CAMTA1: variants seen among roughly 807,000 people sequenced by gnomAD.
The protein encoded by CAMTA1 is calmodulin-binding transcription activator 1.
A neutral mutation model predicts 170.9 loss-of-function variants in CAMTA1; 27 were observed. The ratio of observed to expected loss-of-function variants is 0.16; its 90% CI spans 0.12 to 0.22. The LOEUF (loss-of-function observed/expected upper bound fraction) is 0.22, where lower values mean the gene tolerates loss of function less well. Among genes scored for constraint, CAMTA1 ranks in the 10% least tolerant of loss-of-function variants. The probability of loss-of-function intolerance (pLI) is 1.00; values close to 1 mark genes in which losing one functional copy is unlikely to be tolerated. For missense variants in CAMTA1, 1,619 were observed against 2,217.2 expected (o/e 0.73, Z 5.42); for synonymous variants, 833 against 891.5 (o/e 0.93, Z 1.17).
At chr1:7,246,670 CTTTT>C (rs34382670) in intron 4 of CAMTA1, among the ~76,000 whole-genome samples, 1 of 73,930 alleles carries the variant, frequency 1.4e-5, no homozygotes, top group Admixed American at 1.8e-4. Flanking sequence ...CTCTGACCTG[CTTTT>C]TTTTTTTTTT....
Position 7,640,460 on chromosome 1 carries a change from C to A in CAMTA1, c.571C>A (p.Pro191Thr). The change falls in exon 7 of 23, where the codon CCT becomes ACT. Residue 191 changes from proline (P) to threonine (T), a missense_variant. Transcript: ENST00000303635. ...NVPAIEDCGK[P>T]CGPILCSINT... ...GCCGGCCATCGAGGACTGCGGCAAG[C>A]CTTGCGGCCCCATCCTCTGCTCCAT... The A allele has an allele frequency of 6.2e-7, 1 of 1,614,182 alleles. No homozygotes were observed. The highest frequency in any genetic ancestry group is 8.5e-7 in the Non-Finnish European group (1 of 1,180,028).
intron 4 of CAMTA1, among the ~76,000 whole-genome samples, chr1:7,151,308 C>CGTG (rs1646562789): frequency 6.6e-6 from 1 of 152,230 alleles, no homozygotes; most frequent in Admixed American, 6.5e-5. Flanking sequence ...TTAACTGATG[C>CGTG]GTGATTCTTC....
chr1:7,455,534 G>A lies in CAMTA1; in HGVS notation c.439-12296G>A, dbSNP rs937778397. 2.0e-5 allele frequency among the ~76,000 whole-genome samples: 3 copies of A among 152,310 alleles called. No homozygotes were observed. Among genetic ancestry groups the A allele is most frequent in the South Asian group, 2.1e-4 (1 of 4,822 alleles). On this transcript the variant is annotated intron_variant, in intron 5 of 22. Transcript: ENST00000303635. This position sits in a 1 kb window ranked among gnomAD's most constrained non-coding sequence, Gnocchi z 5.0. ...ATTAACATAGCCACAGACCGGCCCG[G>A]CGTTTCCCTCCACCTGCTTCATAAG...
At chr1:7,283,906 C>A (rs1160378419) in intron 5 of CAMTA1, among the ~76,000 whole-genome samples, 4 of 152,112 alleles carry the variant, frequency 2.6e-5, no homozygotes, top group African/African-American at 7.2e-5. Flanking sequence ...CCCATCAGTC[C>A]CTGCTCCGTT....
At chr1:7,399,424 CT>C (rs975266057) in intron 5 of CAMTA1, among the ~76,000 whole-genome samples, 2 of 152,206 alleles carry the variant, frequency 1.3e-5, no homozygotes, top group Non-Finnish European at 2.9e-5. Context: ...AACCTCTTTT[CT>C]TTATAAGCTA....
At chr1:7,473,145 A>C (rs1446927758) in intron 6 of CAMTA1, among the ~76,000 whole-genome samples, 1 of 152,108 alleles carries the variant, frequency 6.6e-6, no homozygotes. Flanking sequence ...TGGGGCTGAG[A>C]GCAGGGTTTC....
intron 22 of CAMTA1, among the ~76,000 whole-genome samples, chr1:7,757,462 C>T (rs1433158059): frequency 6.6e-6 from 1 of 152,098 alleles, no homozygotes; most frequent in African/African-American, 2.4e-5. Flanking sequence ...TGACCTTAAC[C>T]CTAGATTTAA....
chr1:7,140,456 G>A (rs978034138), intron 4 of CAMTA1, among the ~76,000 whole-genome samples: 1 of 152,122 alleles, frequency 6.6e-6, no homozygotes, highest in Non-Finnish European at 1.5e-5. Flanking sequence ...GTCAACTCCA[G>A]CTCTCTCACT....
rs1474546665 is a variant in CAMTA1 at position 7,146,899 on chromosome 1, A to G, written c.302+55528A>G. ...ACAGACACTCAAACATATGCCGTGC[A>G]TACACATACACATCACACACTCAAA... On this transcript the variant is annotated intron_variant, in intron 4 of 22. Coordinates refer to ENST00000303635, the MANE Select transcript of CAMTA1 (RefSeq NM_015215.4). The surrounding 1 kb of genome is among the most constrained non-coding windows in gnomAD (Gnocchi z 4.3). Among the ~76,000 whole-genome samples the G allele has an allele frequency of 1.3e-5, 2 of 152,156 alleles. No individual in the cohort carries two copies. Among genetic ancestry groups the G allele is most frequent in the African/African-American group, 4.8e-5 (2 of 41,500 alleles).
In CAMTA1 at chr1:7,471,895, GC is replaced by G. The variant is rs529342303; in HGVS notation, c.510+3999del. Reference sequence around the variant, plus strand: ...CCGTCCTTCTCTGCATTCTCCGCCTGCCCCCGCAGGGGACCAGGCCCCCATT... The same window carrying G: ...CCGTCCTTCTCTGCATTCTCCGCCTGCCCCGCAGGGGACCAGGCCCCCATT... On this transcript the variant is annotated intron_variant, in intron 6 of 22. Coordinates refer to ENST00000303635, the MANE Select transcript of CAMTA1 (RefSeq NM_015215.4). 2.8e-4 allele frequency among the ~76,000 whole-genome samples: 43 copies of G among 152,346 alleles called. 1 individual carries two copies. Among genetic ancestry groups the G allele is most frequent in the Admixed American group, 1.7e-3 (26 of 15,312 alleles).
At chr1:7,706,217 C>T (rs2096523815) in intron 11 of CAMTA1, among the ~76,000 whole-genome samples, 1 of 152,210 alleles carries the variant, frequency 6.6e-6, no homozygotes, top group Non-Finnish European at 1.5e-5. Context: ...CCTGAAGTAT[C>T]TAATCCCGGA....
chr1:7,233,988 A>G (rs1663337117), intron 4 of CAMTA1, among the ~76,000 whole-genome samples: 1 of 152,118 alleles, frequency 6.6e-6, no homozygotes, highest in African/African-American at 2.4e-5. Context: ...TGCACTCTCC[A>G]GGTTAATTTA....
chr1:7,647,538 T>C (rs1186664429), intron 7 of CAMTA1, among the ~76,000 whole-genome samples: 3 of 152,100 alleles, frequency 2.0e-5, no homozygotes, highest in Non-Finnish European at 2.9e-5. Flanking sequence ...GGACCTGGTG[T>C]CTGAGATGTG....
chr1:7,596,565 C>T (rs149682818), intron 6 of CAMTA1, among the ~76,000 whole-genome samples: 1,565 of 152,318 alleles, frequency 0.01, 16 homozygotes, highest in Middle Eastern at 0.017. Flanking sequence ...GGGCCATGCA[C>T]AAGGCCTGCT....
rs111706934 is a variant in CAMTA1, at chr1:7,530,765, A to ATT, written c.510+62874_510+62875dup. Among the ~76,000 whole-genome samples the ATT allele has an allele frequency of 1.2e-4, 15 of 124,982 alleles. 1 individual carries two copies. Among genetic ancestry groups the ATT allele is most frequent in the African/African-American group, 3.6e-4 (12 of 33,592 alleles). The allele number at this position is 124,982 out of a possible 152,430, so 82.0% of individuals were successfully genotyped here. A position where few individuals can be genotyped will look rare whatever the true frequency, so the allele number is the denominator to read the frequency against. On this transcript the variant is annotated intron_variant, in intron 6 of 22. Coordinates refer to ENST00000303635, the MANE Select transcript of CAMTA1 (RefSeq NM_015215.4). ...TCCATAGCCATAGATCAGAATGTGG[A>ATT]TTTTTTTTTTTAATTTACTAAAGTA...
chr1:7,655,335 C>T (rs970372867), intron 7 of CAMTA1, among the ~76,000 whole-genome samples: 2 of 149,246 alleles, frequency 1.3e-5, no homozygotes, highest in Admixed American at 6.7e-5. Flanking sequence ...TACACACAAA[C>T]CCACCTATAC....
At chr1:7,054,007 G>A (rs1370788488) in intron 3 of CAMTA1, among the ~76,000 whole-genome samples, 1 of 152,186 alleles carries the variant, frequency 6.6e-6, no homozygotes. Flanking sequence ...TGCTGCACAT[G>A]TGTCCTGGGC....
intron 6 of CAMTA1, among the ~76,000 whole-genome samples, chr1:7,527,833 G>C (rs910476247): frequency 6.6e-6 from 1 of 152,204 alleles, no homozygotes; most frequent in African/African-American, 2.4e-5. Context: ...AATTCAGCCT[G>C]TACCTATCTG....
intron 5 of CAMTA1, among the ~76,000 whole-genome samples, chr1:7,266,664 G>T (rs946337225): frequency 2.6e-5 from 4 of 152,226 alleles, no homozygotes; most frequent in African/African-American, 9.6e-5. Flanking sequence ...AGTGTGCAAT[G>T]CATATGCCTA....
Sources: gnomAD v4.1 joint callset for allele counts (sites outside exome capture counted in the v4.1 genomes callset) on GRCh38, gnomAD v4.1.1 for gene constraint, Gnocchi (gnomAD v3.1) non-coding constraint, MANE v1.5 for transcripts, NCBI Gene and HGNC (gene_info 2026-07-23, HGNC 2026-07-21) for gene names.